ALOX12B: variants seen among roughly 807,000 people sequenced by gnomAD.
ALOX12B encodes arachidonate 12-lipoxygenase, 12R-type.
ALOX12B carries 47 observed loss-of-function variants against 78.9 expected under a neutral mutation model. The observed-to-expected ratio is 0.60, with a 90% CI of 0.47 to 0.76. ALOX12B has a LOEUF of 0.76. Among genes scored for constraint, ALOX12B ranks in the 30% least tolerant of loss-of-function variants. The pLI is 0.00. For missense variants in ALOX12B, 805 were observed against 922.6 expected, an observed-to-expected ratio of 0.87 and a Z score of 1.65; for synonymous variants, 370 against 374.5, an observed-to-expected ratio of 0.99 and a Z score of 0.14.
At chr17:8,077,327 G>T in intron 8 of ALOX12B, 134 bp from the exon 9 acceptor site, 1 of 876,062 alleles carries the variant, frequency 1.1e-6, no homozygotes, top group Non-Finnish European at 1.8e-6. Flanking sequence ...CTGGTCCCCT[G>T]AGCACCCCTG....
chr17:8,080,865 C>A lies in ALOX12B; in HGVS notation c.527+19G>T. 1 of 1,613,910 alleles carries A rather than the reference C, an allele frequency of 6.2e-7. No individual in the cohort carries two copies. The highest frequency in any genetic ancestry group is 1.7e-5 in the Admixed American group (1 of 60,016). On this transcript the variant is annotated intron_variant, in intron 4 of 14. Transcript: ENST00000647874. The surrounding 1 kb of genome is among the most constrained non-coding windows in gnomAD (Gnocchi z 4.8). ...GGGGAAAACCATGGGCGGGGCCCAG[C>A]ACAGCTTCGGGTCCTTACTCAGGCC...
chr17:8,076,969 C>G lies in ALOX12B; in HGVS notation c.1275+21G>C, dbSNP rs574690206. On this transcript the variant is annotated intron_variant, in intron 9 of 14. Transcript: ENST00000647874. The stretch of plus-strand genomic sequence containing the variant: ...TGAGGGCCATGATGCCTGGGGGAGG[C>G]CCCTTCTCCCAAGCCCATACCTTGT... 3.7e-5 allele frequency: 60 copies of G among 1,608,180 alleles called. No homozygotes were observed. The South Asian group carries it at 6.5e-4, about 17-fold the overall frequency.
chr17:8,086,482 C>T (rs1240636661), intron 1 of ALOX12B, among the ~76,000 whole-genome samples: 1 of 152,176 alleles, frequency 6.6e-6, no homozygotes, highest in Non-Finnish European at 1.5e-5. Context: ...CTGTCTTCTC[C>T]CACTCCCCTC....
At position 8,080,053 on chromosome 17, in the gene ALOX12B, G is replaced by A. The variant is rs1216461325; in HGVS notation, c.755-112C>T. On this transcript the variant is annotated intron_variant, in intron 6 of 14. Transcript: ENST00000647874. The surrounding 1 kb of genome is among the most constrained non-coding windows in gnomAD (Gnocchi z 4.8). ...CGAGAGGAGTCGGGGAGGAAAACGA[G>A]GCCCCCAGCCTGGCGCTGAGCGGCC... 6 of 1,522,582 alleles carry A rather than the reference G, an allele frequency of 3.9e-6. No individual in the cohort carries two copies. The African/African-American group carries it at 5.5e-5, about 14-fold the overall frequency. The allele number at this position is 1,522,582 out of a possible 1,614,324, so 94.3% of individuals were successfully genotyped here.
chr17:8,075,687 T>C lies in ALOX12B; in HGVS notation c.1562A>G (p.Tyr521Cys), dbSNP rs199766569. 198 of 1,613,930 alleles carry C rather than the reference T, an allele frequency of 1.2e-4. No homozygotes were observed. Among genetic ancestry groups the C allele is most frequent in the Non-Finnish European group, 1.4e-4 (161 of 1,180,034 alleles). Residue 521 changes from tyrosine to cysteine, a missense_variant, in exon 12 of 15, where the codon TAC (tyrosine) becomes TGC (cysteine). Physicochemically the swap from Tyr to Cys is radical, Grantham distance 194. Coordinates refer to ENST00000647874, the MANE Select transcript of ALOX12B (RefSeq NM_001139.3). ...KYVTEIITYY[Y>C]PSDAAVEGDP... ...ACCCTCCACGGCTGCGTCACTCGGGTAATAATAGGTGATGATCTCCGTCAC... is the reference window on the plus strand; with the variant it reads ...ACCCTCCACGGCTGCGTCACTCGGGCAATAATAGGTGATGATCTCCGTCAC...
Position 8,079,874 on chromosome 17 carries a change from G to C in ALOX12B, c.822C>G (p.Pro274=), listed in dbSNP as rs375219074. The change falls in exon 7 of 15, where the codon CCC becomes CCG. Residue 274 remains proline, a synonymous_variant. Transcript: ENST00000647874. The surrounding 1 kb of genome is among the most constrained non-coding windows in gnomAD (Gnocchi z 6.4). ...TCCGCGTGCAGCGGCGGATCAGGCCGGGGTTGACGCCGTTGAGGTACTGGT... is the reference window on the plus strand; with the variant it reads ...TCCGCGTGCAGCGGCGGATCAGGCCCGGGTTGACGCCGTTGAGGTACTGGT... The part of the protein sequence containing the change: ...FGYQYLNGVN[P]GLIRRCTRIP... The C allele has an allele frequency of 6.2e-7, 1 of 1,613,256 alleles. No homozygotes were observed. The highest frequency in any genetic ancestry group is 1.3e-5 in the African/African-American group (1 of 74,936).
Position 8,079,511 on chromosome 17 carries a change from C to T in ALOX12B, c.956G>A (p.Arg319His). ...CACGGTGGGGATGCCCTCCATGATGCGGTAGTCGGCCAGGTAAATGTTCCC... is the reference window on the plus strand; with the variant it reads ...CACGGTGGGGATGCCCTCCATGATGTGGTAGTCGGCCAGGTAAATGTTCCC... ...EKGNIYLADY[R>H]IMEGIPTVEL... Residue 319 changes from arginine (R) to histidine (H), a missense_variant, in exon 8 of 15, where the codon CGC (arginine) becomes CAC (histidine). Coordinates refer to ENST00000647874, the MANE Select transcript of ALOX12B (RefSeq NM_001139.3). The surrounding 1 kb of genome is among the most constrained non-coding windows in gnomAD (Gnocchi z 6.4). 1 of 1,550,832 alleles carries T rather than the reference C, an allele frequency of 6.4e-7. No individual in the cohort carries two copies. The highest frequency in any genetic ancestry group is 2.0e-5 in the Admixed American group (1 of 51,050).
At chr17:8,073,009 C>G in intron 14 of ALOX12B, 59 bp from the exon 15 acceptor site, 1 of 1,594,820 alleles carries the variant, frequency 6.3e-7, no homozygotes, top group Admixed American at 1.7e-5. Flanking sequence ...CTCCTCCTGC[C>G]GGTGGCCCTG....
At chr17:8,084,380 A>C (rs977648621) in intron 2 of ALOX12B, among the ~76,000 whole-genome samples, 1 of 152,040 alleles carries the variant, frequency 6.6e-6, no homozygotes, top group African/African-American at 2.4e-5. Flanking sequence ...TGCTCCCTGG[A>C]GTTGTGCAAC....
Position 8,077,105 on chromosome 17 carries a change from T to G in ALOX12B, c.1160A>C (p.Tyr387Ser), listed in dbSNP as rs546922801. The G allele has an allele frequency of 1.2e-6, 2 of 1,613,868 alleles. No homozygotes were observed. Among genetic ancestry groups the G allele is most frequent in the East Asian group, 2.2e-5 (1 of 44,890 alleles). The change falls in exon 9 of 15, where the codon TAT becomes TCT. Residue 387 changes from tyrosine (Y) to serine (S), a missense_variant. Transcript: ENST00000647874. The part of the protein sequence containing the change: ...DWLLAKTWVR[Y>S]AEFYSHEAIA... ...GGCCTCGTGGCTGTAGAACTCCGCATAGCGTACCCACGTCTTGGCTAGCAG... is the reference window on the plus strand; with the variant it reads ...GGCCTCGTGGCTGTAGAACTCCGCAGAGCGTACCCACGTCTTGGCTAGCAG...
At position 8,086,366 on chromosome 17, in the gene ALOX12B, A is replaced by C. The variant is rs537476698; in HGVS notation, c.148-146T>G. The C allele has an allele frequency of 1.8e-5, 15 of 846,768 alleles. No individual in the cohort carries two copies. The African/African-American group carries it at 2.2e-4, about 12-fold the overall frequency. The allele number at this position is 846,768 out of a possible 1,614,324, so 52.5% of individuals were successfully genotyped here. A position where few individuals can be genotyped will look rare whatever the true frequency, so the allele number is the denominator to read the frequency against. ...GACGGAGGGACAGGATATTGACCTG[A>C]TCATTGAGCTTCCTTCTGACTTCTC... On this transcript the variant is annotated intron_variant, in intron 1 of 14. Coordinates refer to ENST00000647874, the MANE Select transcript of ALOX12B (RefSeq NM_001139.3).
At chr17:8,084,114 C>T (rs1025353178) in intron 2 of ALOX12B, among the ~76,000 whole-genome samples, 10 of 151,320 alleles carry the variant, frequency 6.6e-5, no homozygotes, top group South Asian at 2.1e-4. Context: ...GCCGAGATTG[C>T]GCCACTGCAC....
chr17:8,079,267 A>T lies in ALOX12B; in HGVS notation c.1071+129T>A. 5 of 1,367,592 alleles carry T rather than the reference A, an allele frequency of 3.7e-6. No homozygotes were observed. Among genetic ancestry groups the T allele is most frequent in the Non-Finnish European group, 4.9e-6 (5 of 1,023,048 alleles). 84.7% of individuals were successfully genotyped at this position (1,367,592 alleles called of 1,614,324 possible). A position where few individuals can be genotyped will look rare whatever the true frequency, so the allele number is the denominator to read the frequency against. On this transcript the variant is annotated intron_variant, in intron 8 of 14. Coordinates refer to ENST00000647874, the MANE Select transcript of ALOX12B (RefSeq NM_001139.3). This position sits in a 1 kb window ranked among gnomAD's most constrained non-coding sequence, Gnocchi z 6.4. ...GGCATCCCGGGGAGGTCCTGGAACCAATCTCTCAAGGATAACGAGAGACGG... is the reference window on the plus strand; with the variant it reads ...GGCATCCCGGGGAGGTCCTGGAACCTATCTCTCAAGGATAACGAGAGACGG...
chr17:8,079,794 C>G lies in ALOX12B; in HGVS notation c.902G>C (p.Gly301Ala). 1 of 1,613,034 alleles carries G rather than the reference C, an allele frequency of 6.2e-7. No individual in the cohort carries two copies. Among genetic ancestry groups the G allele is most frequent in the Non-Finnish European group, 8.5e-7 (1 of 1,179,886 alleles). The change falls in exon 7 of 15, where the codon GGA becomes GCA. Residue 301 changes from glycine (G) to alanine (A), a missense_variant. Physicochemically the swap from Gly to Ala is moderately conservative, Grantham distance 60 (BLOSUM62 0). Transcript: ENST00000647874. This position sits in a 1 kb window ranked among gnomAD's most constrained non-coding sequence, Gnocchi z 6.4. ...CTCCAGCTCCGCTTGCAAGCACGTT[C>G]CCTCGCCCAGGAACGGAGCCACCAT... ...DDMVAPFLGE[G>A]TCLQAELEKG...
At position 8,087,664 on chromosome 17, in the gene ALOX12B, A is replaced by C; in HGVS notation, c.-222T>G. On this transcript the variant is annotated 5_prime_UTR_variant, in exon 1 of 15. Transcript: ENST00000647874. ...GCCGGGGTGGGTGCCGGGCAGGCCC[A>C]GGCGGAGCCCAGCTGGTGGTGAGTG... 1.5e-6 allele frequency: 1 copy of C among 675,566 alleles called. No homozygotes were observed. The highest frequency in any genetic ancestry group is 2.5e-6 in the Non-Finnish European group (1 of 400,924). 41.8% of individuals were successfully genotyped at this position (675,566 alleles called of 1,614,324 possible).
At chr17:8,081,886 G>A (rs1977224871) in intron 2 of ALOX12B, among the ~76,000 whole-genome samples, 1 of 152,084 alleles carries the variant, frequency 6.6e-6, no homozygotes, top group South Asian at 2.1e-4. Flanking sequence ...CAGGTCATCT[G>A]CACGCCTCTG....
chr17:8,085,644 T>C (rs1397020573), intron 2 of ALOX12B, among the ~76,000 whole-genome samples: 1 of 152,170 alleles, frequency 6.6e-6, no homozygotes, highest in Non-Finnish European at 1.5e-5. Context: ...AGGCCTCCTG[T>C]GAGAGTCCTG....
intron 1 of ALOX12B, among the ~76,000 whole-genome samples, chr17:8,086,722 T>C (rs1195267113): frequency 6.6e-6 from 1 of 152,210 alleles, no homozygotes; most frequent in Non-Finnish European, 1.5e-5. Context: ...TGCCTTCCAC[T>C]GGACAGGCTG....
chr17:8,078,524 A>T (rs1323879230), intron 8 of ALOX12B, among the ~76,000 whole-genome samples: 1 of 151,854 alleles, frequency 6.6e-6, no homozygotes, highest in Non-Finnish European at 1.5e-5. Flanking sequence ...TAGTCCCAGC[A>T]CTTTGGGAGG....
Sources: gnomAD v4.1 joint callset for allele counts (sites outside exome capture counted in the v4.1 genomes callset) on GRCh38, gnomAD v4.1.1 for gene constraint, Gnocchi (gnomAD v3.1) non-coding constraint, MANE v1.5 for transcripts, NCBI Gene and HGNC (gene_info 2026-07-23, HGNC 2026-07-21) for gene names.